Variants in LOXHD1 observed in about 807,000 individuals in gnomAD.
The protein encoded by LOXHD1 is lipoxygenase homology PLAT domains 1.
In LOXHD1, 205 loss-of-function variants were observed where a neutral mutation model predicts 248.2. That is an observed-to-expected ratio of 0.83 (90% CI 0.74 to 0.93). LOXHD1 has a LOEUF of 0.93. Ranked by LOEUF, LOXHD1 falls within the 40% of genes least tolerant of loss-of-function variation. LOXHD1 has a pLI of 0.00. For synonymous variants in LOXHD1, 1,113 were observed against 1,162.8 expected (o/e 0.96, Z 0.87); for missense variants, 2,930 against 2,971.6 (o/e 0.99, Z 0.33).
At chr18:46,535,130 A>C (rs2036252065) in intron 26 of LOXHD1, among the ~76,000 whole-genome samples, 4 of 151,984 alleles carry the variant, frequency 2.6e-5, no homozygotes, top group African/African-American at 9.7e-5. Flanking sequence ...TCCTTGGAGT[A>C]CTTCTCATAG....
At chr18:46,603,018 C>A (rs1394663602) in intron 7 of LOXHD1, among the ~76,000 whole-genome samples, 1 of 152,114 alleles carries the variant, frequency 6.6e-6, no homozygotes, top group Non-Finnish European at 1.5e-5. Flanking sequence ...TTGTGCCACA[C>A]CTCACAATGA....
chr18:46,563,107 G>A lies in LOXHD1; in HGVS notation c.2556C>T (p.Ser852=). The A allele has an allele frequency of 1.3e-6, 2 of 1,546,182 alleles. No individual in the cohort carries two copies. The highest frequency in any genetic ancestry group is 1.8e-6 in the Non-Finnish European group (2 of 1,142,328). Residue 852 remains serine, a synonymous_variant, in exon 18 of 41, where the codon AGC becomes AGT. Coordinates refer to ENST00000642948, the MANE Select transcript of LOXHD1 (RefSeq NM_001384474.1). ...ACGCCCGTTCAAAAACTTTTGAGCG[G>A]CTGGAGAGGAAGAGCACTTCTGTCT... The part of the protein sequence containing the change: ...KGKTEVLFLS[S]RSKVFERASK...
intron 1 of LOXHD1, among the ~76,000 whole-genome samples, chr18:46,653,526 G>A (rs1446555420): frequency 6.6e-6 from 1 of 152,162 alleles, no homozygotes; most frequent in Non-Finnish European, 1.5e-5. Context: ...CCTTGTGGAG[G>A]ACACAGAATT....
intron 2 of LOXHD1, among the ~76,000 whole-genome samples, chr18:46,643,073 T>C (rs1378240392): frequency 2.0e-5 from 3 of 152,212 alleles, no homozygotes; most frequent in Non-Finnish European, 4.4e-5. Context: ...CTCTTGGTAA[T>C]AGACGGCTTT....
In LOXHD1 at chr18:46,547,141, C is replaced by A. The variant is rs138335007; in HGVS notation, c.3351-83G>T. The A allele has an allele frequency of 4.4e-5, 65 of 1,482,506 alleles. No homozygotes were observed. In the African/African-American group the frequency reaches 8.8e-4, roughly 20 times the overall value. The allele number at this position is 1,482,506 out of a possible 1,614,324, so 91.8% of individuals were successfully genotyped here. ...GCAGTCATGGGCTGAGAATGAGAGG[C>A]CCTCTATGGGGTCCCAAACTCTCCC... On this transcript the variant is annotated intron_variant, in intron 21 of 40. Coordinates refer to ENST00000642948, the MANE Select transcript of LOXHD1 (RefSeq NM_001384474.1).
rs1408701485 is a variant in LOXHD1 at position 46,611,879 on chromosome 18, A to G, written c.611-955T>C. Reference sequence around the variant, plus strand: ...TTCAACTTGGTATATATCATTCCCAAGAATTTTTGTTTGCATATATATGTA... The same window carrying G: ...TTCAACTTGGTATATATCATTCCCAGGAATTTTTGTTTGCATATATATGTA... On this transcript the variant is annotated intron_variant, in intron 5 of 40. Coordinates refer to ENST00000642948, the MANE Select transcript of LOXHD1 (RefSeq NM_001384474.1). Among the ~76,000 whole-genome samples, 3 of 152,182 alleles carry G rather than the reference A, an allele frequency of 2.0e-5. 1 individual carries two copies. The highest frequency in any genetic ancestry group is 4.1e-4 in the South Asian group (2 of 4,830).
chr18:46,530,588 G>A (rs1484901845), intron 28 of LOXHD1, among the ~76,000 whole-genome samples: 3 of 152,118 alleles, frequency 2.0e-5, no homozygotes, highest in African/African-American at 7.2e-5. Context: ...TCAAAAAGGG[G>A]ATTCCCCTCC....
At chr18:46,566,810 A>G (rs1314350309) in intron 16 of LOXHD1, among the ~76,000 whole-genome samples, 3 of 152,238 alleles carry the variant, frequency 2.0e-5, no homozygotes, top group Non-Finnish European at 2.9e-5. Flanking sequence ...AATGTTTGCC[A>G]TCACCTTCCA....
chr18:46,639,759 A>G lies in LOXHD1; in HGVS notation c.368T>C (p.Leu123Pro). 6.4e-7 allele frequency: 1 copy of G among 1,551,734 alleles called. No homozygotes were observed. Among genetic ancestry groups the G allele is most frequent in the Non-Finnish European group, 8.7e-7 (1 of 1,147,008 alleles). ...CATGTCGGTCACAATCACATGGTCC[A>G]GGTACCAGCTGGCATTCAAGCCCGT... ...DNTGLNASWYLDHVIVTDMKR... is the reference protein window; with the variant it reads ...DNTGLNASWYPDHVIVTDMKR... Residue 123 changes from leucine to proline, a missense_variant, in exon 4 of 41, where the codon CTG becomes CCG. Leu to Pro is a moderately conservative substitution (Grantham distance 98). Transcript: ENST00000642948.
At chr18:46,526,725 G>A (rs1259971370) in intron 29 of LOXHD1, among the ~76,000 whole-genome samples, 1 of 152,220 alleles carries the variant, frequency 6.6e-6, no homozygotes, top group Non-Finnish European at 1.5e-5. Flanking sequence ...CAGGTTAACT[G>A]AGGAAGCTGG....
chr18:46,652,088 A>T (rs1055419944), intron 1 of LOXHD1, among the ~76,000 whole-genome samples: 4 of 152,250 alleles, frequency 2.6e-5, no homozygotes, highest in African/African-American at 9.6e-5. Flanking sequence ...CACAATACAG[A>T]TGACTCTCAA....
rs994583662 is a variant in LOXHD1, at chr18:46,581,269, C to A, written c.1655-1485G>T. 5.3e-5 allele frequency among the ~76,000 whole-genome samples: 8 copies of A among 152,186 alleles called. 1 individual carries two copies. Among genetic ancestry groups the A allele is most frequent in the Non-Finnish European group, 1.0e-4 (7 of 68,012 alleles). On this transcript the variant is annotated intron_variant, in intron 12 of 40. Coordinates refer to ENST00000642948, the MANE Select transcript of LOXHD1 (RefSeq NM_001384474.1). Reference sequence around the variant, plus strand: ...TAGCAATATAGTTTGGATGCTAAGTCTAAAATGTACTGTTTTGGACAAAAT... The same window carrying A: ...TAGCAATATAGTTTGGATGCTAAGTATAAAATGTACTGTTTTGGACAAAAT...
At chr18:46,606,290 G>A (rs2038411713) in intron 6 of LOXHD1, among the ~76,000 whole-genome samples, 1 of 152,002 alleles carries the variant, frequency 6.6e-6, no homozygotes, top group South Asian at 2.1e-4. Flanking sequence ...GATAAGGCAT[G>A]AAACGTTTGT....
In LOXHD1 at chr18:46,639,711, T is replaced by C; in HGVS notation, c.416A>G (p.Tyr139Cys). Reference protein sequence around the residue: ...TDMKRPHLRYYFNCNNWLSKV... With the variant: ...TDMKRPHLRYCFNCNNWLSKV... ...GCTCAGCCAGTTGTTGCAGTTGAAG[T>C]AGTAACGGAGATGAGGCCTCTTCAT... The change falls in exon 4 of 41, where the codon TAC becomes TGC. Residue 139 changes from tyrosine (Y) to cysteine (C), a missense_variant. Coordinates refer to ENST00000642948, the MANE Select transcript of LOXHD1 (RefSeq NM_001384474.1). The C allele has an allele frequency of 6.4e-7, 1 of 1,551,688 alleles. No homozygotes were observed. Among genetic ancestry groups the C allele is most frequent in the Non-Finnish European group, 8.7e-7 (1 of 1,147,002 alleles).
At chr18:46,620,966 T>C (rs57539550) in intron 4 of LOXHD1, among the ~76,000 whole-genome samples, 2,199 of 152,030 alleles carry the variant, frequency 0.014, 47 homozygotes, top group African/African-American at 0.049. Flanking sequence ...GTGAGGCAAT[T>C]TGGGGAGACA....
At chr18:46,633,036 A>G (rs1446364572) in intron 4 of LOXHD1, among the ~76,000 whole-genome samples, 1 of 152,170 alleles carries the variant, frequency 6.6e-6, no homozygotes, top group East Asian at 1.9e-4. Flanking sequence ...AGGTGAAGGC[A>G]TTTTCCTCTT....
chr18:46,525,764 T>C (rs908257259), intron 29 of LOXHD1, among the ~76,000 whole-genome samples: 3 of 152,070 alleles, frequency 2.0e-5, no homozygotes, highest in Non-Finnish European at 4.4e-5. Flanking sequence ...CTGAAAGATT[T>C]GCTGGGTGCA....
At chr18:46,592,695 T>C in intron 10 of LOXHD1, 111 bp from the exon 11 acceptor site, 1 of 866,232 alleles carries the variant, frequency 1.2e-6, no homozygotes, top group South Asian at 1.5e-5. Context: ...TCTTCAGCAG[T>C]GAGGATGGGT....
At chr18:46,618,109 C>T (rs1323962842) in intron 5 of LOXHD1, 83 bp downstream of exon 5, 1 of 1,038,162 alleles carries the variant, frequency 9.6e-7, no homozygotes, top group Non-Finnish European at 1.4e-6. Context: ...CTCAAGCTGC[C>T]TTCCTCTGCC....
Sources: allele counts gnomAD v4.1 joint callset (sites outside exome capture counted in the v4.1 genomes callset), GRCh38; gene constraint gnomAD v4.1.1; transcripts MANE v1.5; gene names NCBI Gene and HGNC (gene_info 2026-07-23, HGNC 2026-07-21).